Variants in PCDH10 observed in about 807,000 individuals in gnomAD.
The protein encoded by PCDH10 is protocadherin-10.
Under a neutral mutation model 74.4 loss-of-function variants are expected in PCDH10, and 15 were observed. The ratio of observed to expected loss-of-function variants is 0.20; its 90% CI spans 0.13 to 0.31. The LOEUF (loss-of-function observed/expected upper bound fraction) is 0.31. Ranked by LOEUF, PCDH10 falls within the 10% of genes least tolerant of loss-of-function variation. The pLI is 1.00. For synonymous variants in PCDH10, 619 were observed against 589.8 expected, an observed-to-expected ratio of 1.05 and a Z score of -0.72; for missense variants, 1,260 against 1,390.2, an observed-to-expected ratio of 0.91 and a Z score of 1.49.
chr4:133,152,365 A>G lies in PCDH10; in HGVS notation c.2225A>G (p.Lys742Arg). The G allele has an allele frequency of 6.2e-7, 1 of 1,614,166 alleles. No homozygotes were observed. Among genetic ancestry groups the G allele is most frequent in the Non-Finnish European group, 8.5e-7 (1 of 1,180,032 alleles). Residue 742 changes from lysine to arginine, a missense_variant, in exon 1 of 5, where the codon AAA (lysine) becomes AGA (arginine). Physicochemically the swap from Lys to Arg is conservative, Grantham distance 26. Around this residue, in one of 11 missense-constraint regions of PCDH10, gnomAD observed 587 missense variants for 616.9 expected, o/e 0.95. Coordinates refer to ENST00000264360, the MANE Select transcript of PCDH10 (RefSeq NM_032961.3). ...ATCGTGCTGGCCGTGCGTTGCCAAA[A>G]AGAGAAGAAGCTCAACATCTATACT... ...AMIVLAVRCQ[K>R]EKKLNIYTCL...
At chr4:133,199,176 T>C (rs1727851577), downstream of PCDH10, among the ~76,000 whole-genome samples, 1 of 151,472 alleles carries the variant, frequency 6.6e-6, no homozygotes. Context: ...TAGTCCCAGA[T>C]ACTTGAAAGG....
At position 133,151,989 on chromosome 4, in the gene PCDH10, A is replaced by G. The variant is rs748986507; in HGVS notation, c.1849A>G (p.Thr617Ala). 1.2e-6 allele frequency: 2 copies of G among 1,612,612 alleles called. No individual in the cohort carries two copies. Among genetic ancestry groups the G allele is most frequent in the East Asian group, 4.5e-5 (2 of 44,874 alleles). The change falls in exon 1 of 5, where the codon ACT becomes GCT. Residue 617 changes from threonine (T) to alanine (A), a missense_variant. This residue lies in a region of PCDH10 where 587 missense variants were observed against 616.9 expected (regional missense o/e 0.95). Transcript: ENST00000264360. ...GGACGACGGCGAGAACGCCCGGCTC[A>G]CTTACAGCATCGTGCGTGGCAACGA... ...DADDGENARL[T>A]YSIVRGNEMN...
chr4:133,150,650 C>G lies in PCDH10; in HGVS notation c.510C>G (p.Asp170Glu), dbSNP rs767681896. The G allele has an allele frequency of 3.7e-6, 6 of 1,613,230 alleles. No homozygotes were observed. The highest frequency in any genetic ancestry group is 4.2e-6 in the Non-Finnish European group (5 of 1,179,964). ...EITPNSYFSL[D>E]VQTQGDGNRF... ...CCCCCAACAGCTACTTCTCCCTGGA[C>G]GTGCAGACCCAGGGGGATGGCAACC... The change falls in exon 1 of 5, where the codon GAC (aspartate) becomes GAG (glutamate). Residue 170 changes from aspartate to glutamate, a missense_variant. Coordinates refer to ENST00000264360, the MANE Select transcript of PCDH10 (RefSeq NM_032961.3).
chr4:133,167,420 G>C (rs974999979), intron 4 of PCDH10, among the ~76,000 whole-genome samples: 1 of 151,466 alleles, frequency 6.6e-6, no homozygotes, highest in African/African-American at 2.4e-5. Flanking sequence ...TTTTCTTATA[G>C]ATACACATTA....
intron 2 of PCDH10, among the ~76,000 whole-genome samples, chr4:133,201,255 A>T (rs1727904310): frequency 6.6e-6 from 1 of 152,208 alleles, no homozygotes. Context: ...ATTGAAAGAA[A>T]AATAGGAAGG....
intron 3 of PCDH10, among the ~76,000 whole-genome samples, chr4:133,155,508 T>C (rs1203903964): frequency 6.6e-6 from 1 of 152,244 alleles, no homozygotes; most frequent in Non-Finnish European, 1.5e-5. Context: ...CCACCAAGTA[T>C]TGAATGAGAA....
In PCDH10 at chr4:133,151,540, T is replaced by C; in HGVS notation, c.1400T>C (p.Val467Ala). ...AACGCGCCGCGTTTCAGCCAGCCGGTCTACGACGTGTATGTGACTGAAAAC... is the reference window on the plus strand; with the variant it reads ...AACGCGCCGCGTTTCAGCCAGCCGGCCTACGACGTGTATGTGACTGAAAAC... ...NDNAPRFSQP[V>A]YDVYVTENNV... The change falls in exon 1 of 5, where the codon GTC becomes GCC. Residue 467 changes from valine to alanine, a missense_variant. Transcript: ENST00000264360. 1 of 1,614,056 alleles carries C rather than the reference T, an allele frequency of 6.2e-7. No homozygotes were observed. Among genetic ancestry groups the C allele is most frequent in the Non-Finnish European group, 8.5e-7 (1 of 1,180,022 alleles).
intron 4 of PCDH10, 63 bp from the exon 5 acceptor site, chr4:133,190,078 T>C: frequency 2.3e-6 from 3 of 1,308,744 alleles, no homozygotes; most frequent in Admixed American, 3.4e-5. Flanking sequence ...TACAATAATG[T>C]GTAATTCTAA....
At chr4:133,200,385 C>G (rs1458357802) in intron 2 of PCDH10, among the ~76,000 whole-genome samples, 3 of 150,698 alleles carry the variant, frequency 2.0e-5, no homozygotes, top group African/African-American at 7.3e-5. Flanking sequence ...TTTTTTGTAA[C>G]AAACACCCAT....
chr4:133,198,201 T>C (rs888728506), downstream of PCDH10, among the ~76,000 whole-genome samples: 1 of 152,112 alleles, frequency 6.6e-6, no homozygotes, highest in Non-Finnish European at 1.5e-5. Context: ...CAATGATTTA[T>C]TTTAACATTG....
At position 133,192,550 on chromosome 4, in the gene PCDH10, C is replaced by T. The variant is rs923818480; in HGVS notation, c.*2390C>T. Reference sequence around the variant, plus strand: ...ATCATTGTATATAATCTCCTTTGAACCAACTTTTTTATTATATATTTGTGT... The same window carrying T: ...ATCATTGTATATAATCTCCTTTGAATCAACTTTTTTATTATATATTTGTGT... On this transcript the variant is annotated 3_prime_UTR_variant, in exon 5 of 5. Coordinates refer to ENST00000264360, the MANE Select transcript of PCDH10 (RefSeq NM_032961.3). 1 of 151,424 alleles carries T rather than the reference C, an allele frequency of 6.6e-6. No individual in the cohort carries two copies. The highest frequency in any genetic ancestry group is 1.5e-5 in the Non-Finnish European group (1 of 67,562). The allele number at this position is 151,424 out of a possible 1,614,324, so 9.4% of individuals were successfully genotyped here.
rs1312002805 is a variant in PCDH10, at chr4:133,149,570, CA to C, written c.-570del. 6.6e-6 allele frequency: 1 copy of C among 152,366 alleles called. No individual in the cohort carries two copies. The highest frequency in any genetic ancestry group is 1.5e-5 in the Non-Finnish European group (1 of 68,186). The allele number at this position is 152,366 out of a possible 1,614,324, so 9.4% of individuals were successfully genotyped here. ...TGAAGAGAATGAAAGTTTTAAGCTG[CA>C]GAGCCGTTCTGTGCTTTTCCGGCAC... On this transcript the variant is annotated 5_prime_UTR_variant, in exon 1 of 5. It introduces an in-frame stop codon into an upstream open reading frame of the 5' UTR. Transcript: ENST00000264360.
At chr4:133,155,087 G>C (rs371252874) in intron 3 of PCDH10, 64 bp downstream of exon 3, 1 of 1,135,534 alleles carries the variant, frequency 8.8e-7, no homozygotes, top group East Asian at 2.4e-5. Context: ...AAAAATAAAC[G>C]TAGGAAGGAT....
In PCDH10 at chr4:133,191,704, C is replaced by T. The variant is rs745918980; in HGVS notation, c.*1544C>T. 6.6e-6 allele frequency: 1 copy of T among 151,584 alleles called. No individual in the cohort carries two copies. Among genetic ancestry groups the T allele is most frequent in the African/African-American group, 2.4e-5 (1 of 41,342 alleles). 9.4% of individuals were successfully genotyped at this position (151,584 alleles called of 1,614,324 possible). On this transcript the variant is annotated 3_prime_UTR_variant, in exon 5 of 5. Transcript: ENST00000264360. ...AAAAAACAGAATTGTCACAGCTCCCCTCGCCCTCTAAACTATGATATCAAA... is the reference window on the plus strand; with the variant it reads ...AAAAAACAGAATTGTCACAGCTCCCTTCGCCCTCTAAACTATGATATCAAA...
At position 133,152,723 on chromosome 4, in the gene PCDH10, C is replaced by A; in HGVS notation, c.2583C>A (p.Thr861=). Residue 861 remains threonine (T), a synonymous_variant, in exon 1 of 5, where the codon ACC becomes ACA. Transcript: ENST00000264360. The stretch of plus-strand genomic sequence containing the variant: ...GCGGGGCCATCGTCACCGGTTACAC[C>A]GACCAGCAGCCTGATATCATCTCCA... The part of the protein sequence containing the change: ...NPCGAIVTGY[T]DQQPDIISNG... The A allele has an allele frequency of 1.2e-6, 2 of 1,614,204 alleles. No homozygotes were observed. The highest frequency in any genetic ancestry group is 1.1e-5 in the South Asian group (1 of 91,080).
At chr4:133,181,741 CT>C (rs1727423029) in intron 4 of PCDH10, among the ~76,000 whole-genome samples, 1 of 151,984 alleles carries the variant, frequency 6.6e-6, no homozygotes, top group Admixed American at 6.6e-5. Flanking sequence ...TTTTAAACTT[CT>C]GTTTGCCTTG....
intron 3 of PCDH10, among the ~76,000 whole-genome samples, chr4:133,157,795 GT>G (rs1159576015): frequency 1.3e-5 from 2 of 151,868 alleles, no homozygotes; most frequent in African/African-American, 4.8e-5. Flanking sequence ...TTTATGAATA[GT>G]TTTCTTTTTT....
At chr4:133,190,010 T>G in intron 4 of PCDH10, 131 bp from the exon 5 acceptor site, 1 of 716,162 alleles carries the variant, frequency 1.4e-6, no homozygotes, top group South Asian at 1.7e-5. Context: ...TGAAAAAGTT[T>G]GACACTACAT....
rs1727652766 is a variant in PCDH10, at chr4:133,190,913, T to C, written c.*753T>C. The C allele has an allele frequency of 6.6e-6, 1 of 152,336 alleles. No homozygotes were observed. Among genetic ancestry groups the C allele is most frequent in the Admixed American group, 6.6e-5 (1 of 15,184 alleles). 9.4% of individuals were successfully genotyped at this position (152,336 alleles called of 1,614,324 possible). On this transcript the variant is annotated 3_prime_UTR_variant, in exon 5 of 5. Transcript: ENST00000264360. ...AAAATCATTAATAGTTTTCTCCCAATTTCCATATCTTACTCAACCGTGTTT... is the reference window on the plus strand; with the variant it reads ...AAAATCATTAATAGTTTTCTCCCAACTTCCATATCTTACTCAACCGTGTTT...
Sources: allele counts gnomAD v4.1 joint callset (sites outside exome capture counted in the v4.1 genomes callset), GRCh38; gene constraint gnomAD v4.1.1; regional missense constraint gnomAD v4.1.1; transcripts MANE v1.5; gene names NCBI Gene and HGNC (gene_info 2026-07-23, HGNC 2026-07-21).